LRRTM3: variants seen among roughly 807,000 people sequenced by gnomAD.
The protein encoded by LRRTM3 is leucine-rich repeat transmembrane neuronal protein 3.
Under a neutral mutation model 44.7 loss-of-function variants are expected in LRRTM3, and 24 were observed. The ratio of observed to expected loss-of-function variants is 0.54; its 90% CI spans 0.39 to 0.76. The LOEUF (loss-of-function observed/expected upper bound fraction) is 0.76. LRRTM3 is among the 30% of genes least tolerant of loss of function. The probability of loss-of-function intolerance (pLI) is 0.00; values close to 1 mark genes in which losing one functional copy is unlikely to be tolerated. For synonymous variants in LRRTM3, 277 were observed against 278.7 expected, an observed-to-expected ratio of 0.99 and a Z score of 0.06; for missense variants, 587 against 702.2, an observed-to-expected ratio of 0.84 and a Z score of 1.85.
chr10:67,050,362 G>A (rs763376132), intron 2 of LRRTM3, among the ~76,000 whole-genome samples: 9 of 152,064 alleles, frequency 5.9e-5, no homozygotes, highest in Non-Finnish European at 1.3e-4. Flanking sequence ...ATTTTATAGA[G>A]AGGAAAATAT....
At chr10:67,036,549 T>C (rs2133128518) in intron 2 of LRRTM3, among the ~76,000 whole-genome samples, 1 of 152,060 alleles carries the variant, frequency 6.6e-6, no homozygotes. Context: ...TTAAAAAAAT[T>C]TTTGGTAGAG....
intron 2 of LRRTM3, among the ~76,000 whole-genome samples, chr10:66,959,066 G>T (rs992586215): frequency 6.6e-6 from 1 of 152,028 alleles, no homozygotes; most frequent in African/African-American, 2.4e-5. Context: ...GCCAAGCGCT[G>T]GTATCCACAG....
chr10:67,043,881 A>G (rs1016667700), intron 2 of LRRTM3, among the ~76,000 whole-genome samples: 1 of 151,072 alleles, frequency 6.6e-6, no homozygotes, highest in Admixed American at 6.7e-5. Flanking sequence ...TCTGTTCTGT[A>G]GGCAATCTGA....
intron 2 of LRRTM3, among the ~76,000 whole-genome samples, chr10:66,998,595 C>CA (rs1851498677): frequency 6.6e-6 from 1 of 151,564 alleles, no homozygotes; most frequent in South Asian, 2.1e-4. Context: ...TGTAGAGAGG[C>CA]AAAAAAGGCA....
chr10:67,022,576 T>C (rs76905011), intron 2 of LRRTM3, among the ~76,000 whole-genome samples: 3,617 of 152,262 alleles, frequency 0.024, 157 homozygotes, highest in African/African-American at 0.082. Flanking sequence ...AAGGTTGCAG[T>C]GTACAAAGTC....
At chr10:67,074,516 A>C in intron 2 of LRRTM3, among the ~76,000 whole-genome samples, 1 of 150,598 alleles carries the variant, frequency 6.6e-6, no homozygotes. Flanking sequence ...ACGCCCGGCT[A>C]ATTTTCTGTA....
At chr10:67,001,477 G>C (rs991572885) in intron 2 of LRRTM3, among the ~76,000 whole-genome samples, 3 of 151,636 alleles carry the variant, frequency 2.0e-5, no homozygotes, top group African/African-American at 4.8e-5. Flanking sequence ...GGGGAAATGG[G>C]AATGGGGGGC....
At position 67,034,735 on chromosome 10, in the gene LRRTM3, G is replaced by T. The variant is rs146520702; in HGVS notation, c.1537-62852G>T. 9.4e-3 allele frequency among the ~76,000 whole-genome samples: 1,434 copies of T among 152,250 alleles called. 13 individuals carry two copies. The highest frequency in any genetic ancestry group is 0.014 in the Non-Finnish European group (948 of 68,018). ...CAGATGCAAAAACTGACTCTCTAGT[G>T]GCTGTATAATAAGTAAATCTCTTTC... On this transcript the variant is annotated intron_variant, in intron 2 of 2. Transcript: ENST00000361320.
chr10:66,987,449 T>C (rs1850793682), intron 2 of LRRTM3, among the ~76,000 whole-genome samples: 1 of 152,202 alleles, frequency 6.6e-6, no homozygotes, highest in South Asian at 2.1e-4. Context: ...CAAAAAATGC[T>C]GAGGCTTGGG....
At chr10:67,057,359 G>A (rs1368606332) in intron 2 of LRRTM3, among the ~76,000 whole-genome samples, 1 of 152,018 alleles carries the variant, frequency 6.6e-6, no homozygotes, top group Non-Finnish European at 1.5e-5. Flanking sequence ...ACCATGCTGT[G>A]CATGGTCTTC....
intron 2 of LRRTM3, among the ~76,000 whole-genome samples, chr10:66,980,355 T>A (rs183336705): frequency 1.3e-5 from 2 of 152,296 alleles, no homozygotes; most frequent in Admixed American, 1.3e-4. Flanking sequence ...TACTGTCTGC[T>A]TGCTCTGTTA....
chr10:67,013,291 G>A (rs1852454156), intron 2 of LRRTM3, among the ~76,000 whole-genome samples: 1 of 151,412 alleles, frequency 6.6e-6, no homozygotes, highest in Non-Finnish European at 1.5e-5. Flanking sequence ...CAAAATTAAA[G>A]TTGTATATCT....
intron 2 of LRRTM3, among the ~76,000 whole-genome samples, chr10:67,049,030 G>GTT (rs3998950): frequency 9.0e-5 from 13 of 145,000 alleles, no homozygotes; most frequent in South Asian, 4.3e-4. Context: ...ATGATAACTG[G>GTT]TTTTTTTTTT....
chr10:67,001,448 G>T (rs539687732), intron 2 of LRRTM3, among the ~76,000 whole-genome samples: 2 of 152,058 alleles, frequency 1.3e-5, no homozygotes, highest in East Asian at 3.9e-4. Flanking sequence ...CTGAAGACAG[G>T]GGTGGGGGAC....
rs142962284 is a variant in LRRTM3 at position 66,952,249 on chromosome 10, T to C, written c.1536+23797T>C. On this transcript the variant is annotated intron_variant, in intron 2 of 2. Transcript: ENST00000361320. ...AAAGAATACTCATTGTAATTGAAAC[T>C]ATGCAGGGGACAGAGCTTCCCAGAT... Among the ~76,000 whole-genome samples, 23 of 152,262 alleles carry C rather than the reference T, an allele frequency of 1.5e-4. 1 individual carries two copies. The East Asian group carries it at 4.3e-3, about 28-fold the overall frequency.
chr10:67,065,741 C>CATATATGTGA (rs1337684694), intron 2 of LRRTM3, among the ~76,000 whole-genome samples: 3 of 152,106 alleles, frequency 2.0e-5, no homozygotes, highest in African/African-American at 7.2e-5. Context: ...ATAAAGGAGG[C>CATATATGTGA]ATATATGTGA....
intron 2 of LRRTM3, among the ~76,000 whole-genome samples, chr10:66,990,818 A>T (rs1320144347): frequency 6.6e-6 from 1 of 152,216 alleles, no homozygotes; most frequent in Non-Finnish European, 1.5e-5. Context: ...CAATACAGAT[A>T]TCCTATTCAA....
intron 2 of LRRTM3, among the ~76,000 whole-genome samples, chr10:67,066,207 T>TTTTTTG (rs1398789630): frequency 1.3e-5 from 2 of 150,356 alleles, no homozygotes; most frequent in African/African-American, 4.9e-5. Flanking sequence ...TTTTTTTTTT[T>TTTTTTG]TTTTTGAGAC....
At chr10:67,003,729 A>T (rs1423511301) in intron 2 of LRRTM3, among the ~76,000 whole-genome samples, 1 of 152,206 alleles carries the variant, frequency 6.6e-6, no homozygotes, top group African/African-American at 2.4e-5. Context: ...CCCAGGTCCT[A>T]TTCCTCTAGA....
Sources: allele counts gnomAD v4.1 joint callset (sites outside exome capture counted in the v4.1 genomes callset), GRCh38; gene constraint gnomAD v4.1.1; transcripts MANE v1.5; gene names NCBI Gene and HGNC (gene_info 2026-07-23, HGNC 2026-07-21).